The following JAKMIP2 variants were observed in gnomAD, a reference collection of about 807,000 sequenced individuals.
JAKMIP2 encodes the protein janus kinase and microtubule interacting protein 2, also known as janus kinase and microtubule-interacting protein 2.
A neutral mutation model predicts 115.0 loss-of-function variants in JAKMIP2; 25 were observed. That is an observed-to-expected ratio of 0.22 (90% CI 0.16 to 0.30). The LOEUF (loss-of-function observed/expected upper bound fraction) is 0.30, where lower values mean the gene tolerates loss of function less well. Among genes scored for constraint, JAKMIP2 ranks in the 10% least tolerant of loss-of-function variants. The pLI is 1.00. For missense variants in JAKMIP2, 642 were observed against 957.6 expected, an observed-to-expected ratio of 0.67 and a Z score of 4.35; for synonymous variants, 334 against 343.6, an observed-to-expected ratio of 0.97 and a Z score of 0.31.
chr5:147,625,647 C>T (rs942829631), intron 16 of JAKMIP2, among the ~76,000 whole-genome samples: 4 of 152,124 alleles, frequency 2.6e-5, no homozygotes, highest in African/African-American at 9.7e-5. Context: ...ATATCATGAG[C>T]ATTAGATATA....
Position 147,591,634 on chromosome 5 carries a change from G to T in JAKMIP2, c.*73C>A. 1 of 1,582,432 alleles carries T rather than the reference G, an allele frequency of 6.3e-7. No individual in the cohort carries two copies. The highest frequency in any genetic ancestry group is 8.6e-7 in the Non-Finnish European group (1 of 1,156,076). The stretch of plus-strand genomic sequence containing the variant: ...TGGTGTAAACAATTTTGCCATCTTT[G>T]AAGGTTTAGAAGCACTTGTCTTCCT... On this transcript the variant is annotated 3_prime_UTR_variant, in exon 22 of 22. Coordinates refer to ENST00000616793, the MANE Select transcript of JAKMIP2 (RefSeq NM_001270941.2).
rs1359844746 is a variant in JAKMIP2 at position 147,661,242 on chromosome 5, G to A, written c.333C>T (p.Ile111=). 6.2e-7 allele frequency: 1 copy of A among 1,613,840 alleles called. No homozygotes were observed. Among genetic ancestry groups the A allele is most frequent in the Non-Finnish European group, 8.5e-7 (1 of 1,179,980 alleles). The change falls in exon 3 of 22, where the codon ATC becomes ATT. Residue 111 remains isoleucine, a synonymous_variant. Transcript: ENST00000616793. ...SRTVKVRDGE[I]QRLKSALCAL... ...CACAGAGAGCAGACTTGAGCCTCTG[G>A]ATCTCTCCATCACGTACCTTCACCG... is the stretch of plus-strand genomic sequence containing the variant.
chr5:147,639,781 C>A (rs759229540), intron 9 of JAKMIP2, 21 bp from the exon 10 acceptor site: 8 of 1,608,748 alleles, frequency 5.0e-6, no homozygotes, highest in Non-Finnish European at 6.8e-6. Context: ...AGAAAAAAAG[C>A]CCCAAAACAA....
At chr5:147,738,850 TCA>T (rs1209682847) in intron 1 of JAKMIP2, among the ~76,000 whole-genome samples, 4 of 152,074 alleles carry the variant, frequency 2.6e-5, no homozygotes, top group Admixed American at 6.6e-5. Flanking sequence ...CACGAGATAA[TCA>T]CAGTCTTTAC....
rs765007749 is a variant in JAKMIP2, at chr5:147,645,002, A to G, written c.937-6T>C. ...GTTTCCCGCACACGTTTTAACTGGG[A>G]AGAAATAAGTGAAGATTTGTGTCTT... On this transcript the variant is annotated splice_region_variant and splice_polypyrimidine_tract_variant and intron_variant, in intron 5 of 21. Coordinates refer to ENST00000616793, the MANE Select transcript of JAKMIP2 (RefSeq NM_001270941.2). The G allele has an allele frequency of 1.9e-6, 3 of 1,611,284 alleles. No homozygotes were observed. Among genetic ancestry groups the G allele is most frequent in the Non-Finnish European group, 2.5e-6 (3 of 1,179,564 alleles).
At chr5:147,753,691 A>G (rs1754641330) in intron 1 of JAKMIP2, among the ~76,000 whole-genome samples, 1 of 152,208 alleles carries the variant, frequency 6.6e-6, no homozygotes, top group Non-Finnish European at 1.5e-5. Context: ...AGCAACTACC[A>G]CTCACACATT....
At chr5:147,620,583 G>T (rs1756804974) in intron 18 of JAKMIP2, 83 bp downstream of exon 18, 1 of 917,040 alleles carries the variant, frequency 1.1e-6, no homozygotes, top group Non-Finnish European at 1.8e-6. Flanking sequence ...CAAGTACATA[G>T]CATGGAAAAT....
intron 20 of JAKMIP2, among the ~76,000 whole-genome samples, chr5:147,605,682 C>A (rs533258550): frequency 6.6e-5 from 10 of 151,954 alleles, no homozygotes; most frequent in African/African-American, 9.7e-5. Flanking sequence ...ATTTATAATC[C>A]TTTGGGTTAT....
intron 2 of JAKMIP2, among the ~76,000 whole-genome samples, chr5:147,670,374 C>G (rs1759517543): frequency 6.6e-6 from 1 of 151,998 alleles, no homozygotes. Context: ...TGTTTTCTTA[C>G]TGTATAATTA....
chr5:147,692,676 A>G (rs1339701521), intron 1 of JAKMIP2, among the ~76,000 whole-genome samples: 1 of 152,202 alleles, frequency 6.6e-6, no homozygotes, highest in Non-Finnish European at 1.5e-5. Flanking sequence ...AAGAGAGTAA[A>G]TGAATGAATG....
chr5:147,610,621 C>G (rs1199699798), intron 20 of JAKMIP2, among the ~76,000 whole-genome samples: 2 of 152,168 alleles, frequency 1.3e-5, no homozygotes, highest in African/African-American at 2.4e-5. Flanking sequence ...GTCTGTCGAA[C>G]CCTCCTGGGA....
chr5:147,588,495 G>C lies in JAKMIP2; in HGVS notation c.*3212C>G, dbSNP rs916582339. ...ACGGTCCATTTCCATGGATCCATGA[G>C]TGACTGGAACACATATCCACAATTT... On this transcript the variant is annotated 3_prime_UTR_variant, in exon 22 of 22. Coordinates refer to ENST00000616793, the MANE Select transcript of JAKMIP2 (RefSeq NM_001270941.2). 3 of 151,218 alleles carry C rather than the reference G, an allele frequency of 2.0e-5. No homozygotes were observed. The highest frequency in any genetic ancestry group is 4.4e-5 in the Non-Finnish European group (3 of 67,930). 9.4% of individuals were successfully genotyped at this position (151,218 alleles called of 1,614,324 possible).
chr5:147,735,811 G>C (rs1185841891), intron 1 of JAKMIP2, among the ~76,000 whole-genome samples: 1 of 152,150 alleles, frequency 6.6e-6, no homozygotes, highest in African/African-American at 2.4e-5. Flanking sequence ...GTACTTTCTA[G>C]CAAACACTGC....
At chr5:147,646,805 G>A (rs1484711667) in intron 5 of JAKMIP2, among the ~76,000 whole-genome samples, 3 of 149,480 alleles carry the variant, frequency 2.0e-5, no homozygotes, top group African/African-American at 4.9e-5. Context: ...ATGATTAAAG[G>A]GTCAATACAC....
chr5:147,619,910 T>G (rs1167575903), intron 18 of JAKMIP2, among the ~76,000 whole-genome samples: 2 of 152,174 alleles, frequency 1.3e-5, no homozygotes, highest in Non-Finnish European at 2.9e-5. Flanking sequence ...TACCTATACC[T>G]CACAGAGTTG....
intron 1 of JAKMIP2, among the ~76,000 whole-genome samples, chr5:147,773,465 C>CAT (rs3069782): frequency 0.32 from 49,174 of 151,836 alleles, 9,380 homozygotes; most frequent in African/African-American, 0.54. Flanking sequence ...TCAAACTACA[C>CAT]ATGTTAGTGA....
Position 147,706,664 on chromosome 5 carries a change from G to A in JAKMIP2, c.-148-34710C>T, listed in dbSNP as rs145350240. Among the ~76,000 whole-genome samples the A allele has an allele frequency of 4.5e-3, 687 of 152,206 alleles. 12 individuals are homozygous for A. The highest frequency in any genetic ancestry group is 0.016 in the African/African-American group (649 of 41,524). ...TATGATCTACCCAAATATTACTGAT[G>A]GAGTATTTCTAATTTGAAAATCCAA... On this transcript the variant is annotated intron_variant, in intron 1 of 21. Coordinates refer to ENST00000616793, the MANE Select transcript of JAKMIP2 (RefSeq NM_001270941.2).
chr5:147,597,355 A>T (rs969087972), intron 21 of JAKMIP2, among the ~76,000 whole-genome samples: 8 of 152,086 alleles, frequency 5.3e-5, no homozygotes, highest in Admixed American at 1.3e-4. Flanking sequence ...GCCTTTTAAA[A>T]TTTTTCATGT....
chr5:147,780,646 T>G (rs117859574), intron 1 of JAKMIP2, among the ~76,000 whole-genome samples: 2 of 152,154 alleles, frequency 1.3e-5, no homozygotes, highest in Non-Finnish European at 2.9e-5. Flanking sequence ...ATCTATAATA[T>G]ATAACATGCT....
Sources: allele counts gnomAD v4.1 joint callset (sites outside exome capture counted in the v4.1 genomes callset), GRCh38; gene constraint gnomAD v4.1.1; transcripts MANE v1.5; gene names NCBI Gene and HGNC (gene_info 2026-07-23, HGNC 2026-07-21).